The following KALRN variants were observed in gnomAD, a reference collection of about 807,000 sequenced individuals.
KALRN encodes kalirin RhoGEF kinase.
A neutral mutation model predicts 353.7 loss-of-function variants in KALRN; 70 were observed. That is an observed-to-expected ratio of 0.20 (90% confidence interval 0.16 to 0.24). The LOEUF (loss-of-function observed/expected upper bound fraction) is 0.24. Ranked by LOEUF, KALRN falls within the 10% of genes least tolerant of loss-of-function variation. The pLI, the probability that KALRN is intolerant of heterozygous loss-of-function variation, is 1.00. For missense variants in KALRN, 2,791 were observed against 3,756.7 expected (o/e 0.74, Z 6.72); for synonymous variants, 1,391 against 1,434.8 (o/e 0.97, Z 0.69).
At chr3:124,228,348 A>C (rs1345952905) in intron 2 of KALRN, among the ~76,000 whole-genome samples, 5 of 152,178 alleles carry the variant, frequency 3.3e-5, no homozygotes, top group Admixed American at 6.5e-5. Flanking sequence ...CCAACTGGAG[A>C]ATCTGTGCAC....
chr3:124,506,034 G>A (rs762852442), intron 33 of KALRN, among the ~76,000 whole-genome samples: 35 of 152,288 alleles, frequency 2.3e-4, no homozygotes, highest in Admixed American at 1.1e-3. Context: ...GGGTGTGTGA[G>A]GTGAGACCTT....
At chr3:124,267,179 G>T (rs2073658665) in intron 4 of KALRN, among the ~76,000 whole-genome samples, 1 of 152,194 alleles carries the variant, frequency 6.6e-6, no homozygotes, top group South Asian at 2.1e-4. Flanking sequence ...TTCAACAACA[G>T]ATACTTATAC....
intron 33 of KALRN, among the ~76,000 whole-genome samples, chr3:124,530,967 C>T (rs781226413): frequency 1.3e-5 from 2 of 152,186 alleles, no homozygotes; most frequent in Non-Finnish European, 2.9e-5. Flanking sequence ...CAAGGACTTA[C>T]TTCTTGTTAA....
intron 34 of KALRN, among the ~76,000 whole-genome samples, chr3:124,617,275 A>C (rs369454785): frequency 6.6e-6 from 1 of 152,120 alleles, no homozygotes; most frequent in African/African-American, 2.4e-5. Context: ...TTGAGGCTGC[A>C]GTGAACTGTC....
intron 1 of KALRN, among the ~76,000 whole-genome samples, chr3:124,190,523 C>T (rs960483606): frequency 1.3e-5 from 2 of 152,146 alleles, no homozygotes; most frequent in African/African-American, 4.8e-5. Flanking sequence ...CATAAACAAC[C>T]ACCATTTTAT....
At chr3:124,163,417 T>G (rs1237997808) in intron 1 of KALRN, 1 of 162,322 alleles carries the variant, frequency 6.2e-6, no homozygotes, top group Admixed American at 6.5e-5. Context: ...GTAGAGTATG[T>G]GAAGTCTTAC....
At chr3:124,430,846 C>T in intron 16 of KALRN, 71 bp downstream of exon 16, 1 of 1,531,706 alleles carries the variant, frequency 6.5e-7, no homozygotes, top group Non-Finnish European at 8.8e-7. Context: ...GGGTGATTCT[C>T]AGGTGTGGGT....
intron 10 of KALRN, among the ~76,000 whole-genome samples, chr3:124,355,808 C>T (rs959699497): frequency 1.3e-5 from 2 of 149,810 alleles, no homozygotes; most frequent in African/African-American, 4.9e-5. Context: ...CTCTGCCCCC[C>T]AGATTCAAGC....
At chr3:124,156,734 G>T (rs554744329) in intron 1 of KALRN, among the ~76,000 whole-genome samples, 71 of 152,322 alleles carry the variant, frequency 4.7e-4, no homozygotes, top group African/African-American at 1.7e-3. Context: ...CCATCCATGT[G>T]TTGGGGTCCT....
intron 37 of KALRN, among the ~76,000 whole-genome samples, chr3:124,649,502 G>A (rs370218138): frequency 5.3e-5 from 8 of 152,088 alleles, no homozygotes; most frequent in East Asian, 3.8e-4. Context: ...GGCCAGACAC[G>A]CTGTCTCACA....
At chr3:124,613,537 T>C (rs1222859815) in intron 34 of KALRN, among the ~76,000 whole-genome samples, 1 of 152,246 alleles carries the variant, frequency 6.6e-6, no homozygotes, top group Non-Finnish European at 1.5e-5. Context: ...GTCCCAATTA[T>C]GCAAATAACC....
intron 1 of KALRN, among the ~76,000 whole-genome samples, chr3:124,064,767 T>C (rs2042223025): frequency 6.6e-6 from 1 of 152,334 alleles, no homozygotes; most frequent in South Asian, 2.1e-4. Context: ...GCATCTGGAA[T>C]GGCACAGCCT....
chr3:124,350,267 G>A (rs1326052934), intron 10 of KALRN, among the ~76,000 whole-genome samples: 1 of 152,186 alleles, frequency 6.6e-6, no homozygotes, highest in African/African-American at 2.4e-5. Flanking sequence ...ATGGGACAAT[G>A]CCTTTCCATC....
chr3:124,292,366 G>A (rs1235668743), intron 5 of KALRN, among the ~76,000 whole-genome samples: 1 of 152,172 alleles, frequency 6.6e-6, no homozygotes, highest in Non-Finnish European at 1.5e-5. Flanking sequence ...ATTTTAATAG[G>A]CATCTCACCT....
chr3:124,692,169 G>A lies in KALRN; in HGVS notation c.7378-1635G>A, dbSNP rs77821961. Among the ~76,000 whole-genome samples, 271 of 152,312 alleles carry A rather than the reference G, an allele frequency of 1.8e-3. 5 individuals carry two copies. The highest frequency in any genetic ancestry group is 0.018 in the East Asian group (92 of 5,184). ...CATGAGGCCCAGGCATTAGCCTCTC[G>A]TGTTTTTAAGGCTGCCCAGGTCAGG... On this transcript the variant is annotated intron_variant, in intron 51 of 59. Transcript: ENST00000682506.
chr3:124,226,876 T>C (rs1323124469), intron 1 of KALRN, among the ~76,000 whole-genome samples: 1 of 152,132 alleles, frequency 6.6e-6, no homozygotes, highest in Non-Finnish European at 1.5e-5. Flanking sequence ...ATCCATGGTA[T>C]CTGGTTCTGC....
At chr3:124,622,436 G>A (rs1450708714) in intron 34 of KALRN, among the ~76,000 whole-genome samples, 4 of 152,198 alleles carry the variant, frequency 2.6e-5, no homozygotes, top group African/African-American at 9.6e-5. Flanking sequence ...CCTTTGGGGT[G>A]TGCTTGAATA....
intron 25 of KALRN, among the ~76,000 whole-genome samples, chr3:124,466,845 A>C (rs1405445296): frequency 6.6e-6 from 1 of 152,162 alleles, no homozygotes; most frequent in Non-Finnish European, 1.5e-5. Flanking sequence ...GGTGGCTGCC[A>C]CATCTGGCTG....
intron 1 of KALRN, among the ~76,000 whole-genome samples, chr3:124,121,525 A>G (rs555945551): frequency 1.3e-5 from 2 of 152,286 alleles, no homozygotes; most frequent in Admixed American, 1.3e-4. Context: ...TTTCTCTCTC[A>G]TATTTGTAAA....
Sources: gnomAD v4.1 joint callset for allele counts (sites outside exome capture counted in the v4.1 genomes callset) on GRCh38, gnomAD v4.1.1 for gene constraint, MANE v1.5 for transcripts, NCBI Gene and HGNC (gene_info 2026-07-23, HGNC 2026-07-21) for gene names.